The following SLC35F4 variants were observed in gnomAD, a reference collection of about 807,000 sequenced individuals.
The protein encoded by SLC35F4 is solute carrier family 35 member F4.
SLC35F4 carries 24 observed loss-of-function variants against 44.2 expected under a neutral mutation model. That is an observed-to-expected ratio of 0.54 (90% CI 0.39 to 0.76). The LOEUF is 0.76. SLC35F4 is among the 30% of genes least tolerant of loss of function. The pLI, the probability that SLC35F4 is intolerant of heterozygous loss-of-function variation, is 0.00. For missense variants in SLC35F4, 562 were observed against 586.1 expected, an observed-to-expected ratio of 0.96 and a Z score of 0.42; for synonymous variants, 238 against 223.6, an observed-to-expected ratio of 1.06 and a Z score of -0.57.
At chr14:57,716,124 G>A (rs1264836760) in intron 1 of SLC35F4, among the ~76,000 whole-genome samples, 6 of 152,144 alleles carry the variant, frequency 3.9e-5, no homozygotes, top group African/African-American at 1.2e-4. Context: ...CACTGTGTGC[G>A]TGCGGGTTTT....
chr14:57,701,381 C>CA (rs1200182653), intron 1 of SLC35F4, among the ~76,000 whole-genome samples: 2 of 151,732 alleles, frequency 1.3e-5, no homozygotes, highest in African/African-American at 4.8e-5. Context: ...AAATTGTTTT[C>CA]AAAAAATGAG....
chr14:57,635,972 G>A (rs769639815), intron 1 of SLC35F4, among the ~76,000 whole-genome samples: 6 of 152,118 alleles, frequency 3.9e-5, no homozygotes, highest in Non-Finnish European at 7.4e-5. Context: ...TACACCAGGT[G>A]AAAGTTAAAA....
chr14:57,863,740 T>C (rs1887876473), intron 1 of SLC35F4, among the ~76,000 whole-genome samples: 1 of 152,208 alleles, frequency 6.6e-6, no homozygotes, highest in African/African-American at 2.4e-5. Flanking sequence ...AAAATAGCAA[T>C]CTTTCTCTAC....
intron 1 of SLC35F4, among the ~76,000 whole-genome samples, chr14:57,863,597 T>C (rs947226914): frequency 2.0e-5 from 3 of 152,202 alleles, no homozygotes; most frequent in Admixed American, 6.5e-5. Flanking sequence ...GCCAAATCAA[T>C]TGACCATATT....
chr14:57,764,353 T>C (rs982928052), intron 1 of SLC35F4, among the ~76,000 whole-genome samples: 1 of 152,188 alleles, frequency 6.6e-6, no homozygotes, highest in Non-Finnish European at 1.5e-5. Context: ...TATCTGTAAG[T>C]TGATCTACCC....
chr14:57,750,270 A>G (rs1226346661), intron 1 of SLC35F4, among the ~76,000 whole-genome samples: 6 of 152,000 alleles, frequency 3.9e-5, no homozygotes, highest in African/African-American at 1.5e-4. Context: ...TATATACCAC[A>G]TTTTCTTTAT....
intron 1 of SLC35F4, among the ~76,000 whole-genome samples, chr14:57,955,691 T>A (rs755887746): frequency 3.3e-5 from 5 of 151,988 alleles, no homozygotes; most frequent in African/African-American, 4.8e-5. Context: ...CCATTCACAA[T>A]TGCTACAAAG....
intron 1 of SLC35F4, among the ~76,000 whole-genome samples, chr14:57,641,718 TAGCTATTACATAGAAC>T (rs2073248199): frequency 6.6e-6 from 1 of 152,044 alleles, no homozygotes; most frequent in South Asian, 2.1e-4. Context: ...TTTAACACTA[TAGCTATTACATAGAAC>T]AGCTATTACA....
intron 1 of SLC35F4, among the ~76,000 whole-genome samples, chr14:57,637,828 A>C (rs923241307): frequency 6.6e-6 from 1 of 152,074 alleles, no homozygotes. Flanking sequence ...CCCTCTTGGC[A>C]AAAGGGACCC....
intron 3 of SLC35F4, among the ~76,000 whole-genome samples, chr14:57,587,022 A>T (rs1242833571): frequency 1.3e-5 from 2 of 150,238 alleles, no homozygotes; most frequent in African/African-American, 4.9e-5. Flanking sequence ...TATGAAAAAA[A>T]GCTCATCATC....
intron 1 of SLC35F4, among the ~76,000 whole-genome samples, chr14:57,600,418 C>T (rs74330290): frequency 1.3e-5 from 2 of 151,884 alleles, no homozygotes; most frequent in East Asian, 1.9e-4. Flanking sequence ...AGGGGCCGGG[C>T]GCGGTGGCTC....
At chr14:57,754,661 G>A (rs569560303) in intron 1 of SLC35F4, among the ~76,000 whole-genome samples, 1 of 152,190 alleles carries the variant, frequency 6.6e-6, no homozygotes, top group African/African-American at 2.4e-5. Context: ...CTTTCATCTT[G>A]TATCAGGGCT....
At position 57,609,131 on chromosome 14, in the gene SLC35F4, C is replaced by G. The variant is rs1745696; in HGVS notation, c.104-15007G>C. ...AAATCTGTTATGCGGGAGGTAGGGA[C>G]AGACATGTATGCAGATGGATGCATG... On this transcript the variant is annotated intron_variant, in intron 1 of 7. Coordinates refer to ENST00000556826, the MANE Select transcript of SLC35F4 (RefSeq NM_001306087.2). 8.9e-3 allele frequency among the ~76,000 whole-genome samples: 1,352 copies of G among 152,156 alleles called. 7 individuals are homozygous for G. The highest frequency in any genetic ancestry group is 0.014 in the Non-Finnish European group (957 of 68,010).
chr14:57,736,731 G>T (rs958536017), intron 1 of SLC35F4, among the ~76,000 whole-genome samples: 4 of 152,158 alleles, frequency 2.6e-5, no homozygotes, highest in Non-Finnish European at 1.5e-5. Flanking sequence ...TATTGCAATT[G>T]CTCACAGGCT....
chr14:57,654,766 T>A (rs1482035534), intron 1 of SLC35F4, among the ~76,000 whole-genome samples: 1 of 152,194 alleles, frequency 6.6e-6, no homozygotes. Flanking sequence ...TTTAACTAAT[T>A]ACACTTGCAA....
At chr14:57,924,693 C>A (rs145157172) in intron 1 of SLC35F4, among the ~76,000 whole-genome samples, 1 of 152,058 alleles carries the variant, frequency 6.6e-6, no homozygotes, top group East Asian at 1.9e-4. Flanking sequence ...GAGATCTGCC[C>A]GCCTCAGCCT....
chr14:57,743,321 C>A (rs1436961737), intron 1 of SLC35F4, among the ~76,000 whole-genome samples: 1 of 152,074 alleles, frequency 6.6e-6, no homozygotes, highest in Non-Finnish European at 1.5e-5. Context: ...AATTGATAGG[C>A]CGCTAGCAAG....
At chr14:57,607,460 G>A (rs909767693) in intron 1 of SLC35F4, among the ~76,000 whole-genome samples, 1 of 152,170 alleles carries the variant, frequency 6.6e-6, no homozygotes, top group African/African-American at 2.4e-5. Context: ...CAATTGTTAT[G>A]GGTATCCACA....
intron 2 of SLC35F4, among the ~76,000 whole-genome samples, chr14:57,593,038 T>C (rs1322716598): frequency 6.6e-6 from 1 of 152,024 alleles, no homozygotes. Context: ...GGGGCTAAAA[T>C]TGGAAAGGTA....
Sources: gnomAD v4.1 joint callset for allele counts (sites outside exome capture counted in the v4.1 genomes callset) on GRCh38, gnomAD v4.1.1 for gene constraint, MANE v1.5 for transcripts, NCBI Gene and HGNC (gene_info 2026-07-23, HGNC 2026-07-21) for gene names.